UNC80: variants seen among roughly 807,000 people sequenced by gnomAD.
UNC80 encodes unc-80 subunit of NALCN channel complex.
In UNC80, 164 loss-of-function variants were observed where a neutral mutation model predicts 384.6. The ratio of observed to expected loss-of-function variants is 0.43; its 90% CI spans 0.38 to 0.49. The LOEUF (loss-of-function observed/expected upper bound fraction) is 0.49. Ranked by LOEUF, UNC80 falls within the 20% of genes least tolerant of loss-of-function variation. The pLI is 0.00. For missense variants in UNC80, 3,330 were observed against 4,143.0 expected, an observed-to-expected ratio of 0.80 and a Z score of 5.39; for synonymous variants, 1,486 against 1,527.8, an observed-to-expected ratio of 0.97 and a Z score of 0.64.
Position 209,839,724 on chromosome 2 carries a change from G to A in UNC80, c.3250+294G>A, listed in dbSNP as rs1015868383. On this transcript the variant is annotated intron_variant, in intron 19 of 64. Coordinates refer to ENST00000673920, the MANE Select transcript of UNC80 (RefSeq NM_001371986.1). The surrounding 1 kb of genome is among the most constrained non-coding windows in gnomAD (Gnocchi z 4.1). Reference sequence around the variant, plus strand: ...TAGTAGGAGCCCCAGTCATTAAAGCGGATAATCATACAACTAAGTGTAATT... The same window carrying A: ...TAGTAGGAGCCCCAGTCATTAAAGCAGATAATCATACAACTAAGTGTAATT... Among the ~76,000 whole-genome samples the A allele has an allele frequency of 1.2e-4, 18 of 152,120 alleles. No homozygotes were observed. Among genetic ancestry groups the A allele is most frequent in the Admixed American group, 3.9e-4 (6 of 15,266 alleles).
At chr2:209,940,364 C>G (rs570942736) in intron 43 of UNC80, among the ~76,000 whole-genome samples, 12 of 152,232 alleles carry the variant, frequency 7.9e-5, no homozygotes, top group African/African-American at 2.6e-4. Context: ...TCAATGAACT[C>G]TAAAGATCTG....
intron 37 of UNC80, 70 bp from the exon 38 acceptor site, chr2:209,930,898 C>T: frequency 1.7e-6 from 2 of 1,161,464 alleles, no homozygotes; most frequent in Non-Finnish European, 2.4e-6. Context: ...CCCGAATTTT[C>T]AAGAAGTTAA....
At chr2:209,850,465 T>C (rs1367802476) in intron 22 of UNC80, among the ~76,000 whole-genome samples, 3 of 152,120 alleles carry the variant, frequency 2.0e-5, no homozygotes, top group Non-Finnish European at 4.4e-5. Flanking sequence ...TTATGACACA[T>C]GAATAAGTGA....
chr2:209,959,667 G>C lies in UNC80; in HGVS notation c.7765G>C (p.Val2589Leu). ...ILQNLAGEPR[V>L]IALELLDVKS... ...GCAAAATCTGGCTGGGGAGCCTCGG[G>C]TCATTGCCTTGGAACTGCTGGATGT... Residue 2589 changes from valine (V) to leucine (L), a missense_variant, in exon 51 of 65, where the codon GTC (valine) becomes CTC (leucine). By Grantham distance (32) the Val-to-Leu change is conservative. Transcript: ENST00000673920. 2 of 1,551,678 alleles carry C rather than the reference G, an allele frequency of 1.3e-6. No homozygotes were observed. The highest frequency in any genetic ancestry group is 2.4e-5 in the East Asian group (1 of 40,916).
At chr2:209,930,372 A>G (rs898335390) in intron 37 of UNC80, among the ~76,000 whole-genome samples, 1 of 152,162 alleles carries the variant, frequency 6.6e-6, no homozygotes, top group African/African-American at 2.4e-5. Flanking sequence ...ATCATGCCAA[A>G]TAAAAGTAGT....
Position 209,881,077 on chromosome 2 carries a change from C to G in UNC80, c.4093C>G (p.Arg1365Gly). 6.4e-7 allele frequency: 1 copy of G among 1,551,626 alleles called. No homozygotes were observed. Among genetic ancestry groups the G allele is most frequent in the Non-Finnish European group, 8.7e-7 (1 of 1,146,982 alleles). Residue 1365 changes from arginine to glycine, a missense_variant, in exon 25 of 65, where the codon CGC becomes GGC. By Grantham distance (125) the Arg-to-Gly change is moderately radical. Around this residue, in one of 8 missense-constraint regions of UNC80, gnomAD observed 801 missense variants for 950.8 expected, o/e 0.84. Coordinates refer to ENST00000673920, the MANE Select transcript of UNC80 (RefSeq NM_001371986.1). ...GACCTTTTCTTGCCTGCCCAGACCT[C>G]GCACTGAGCCTCTGGTGGTAAGTTA... is the stretch of plus-strand genomic sequence containing the variant. ...RETFSCLPRP[R>G]TEPLVDLESC...
intron 36 of UNC80, 125 bp from the exon 37 acceptor site, chr2:209,929,746 A>G: frequency 1.5e-6 from 1 of 645,746 alleles, no homozygotes; most frequent in Non-Finnish European, 2.5e-6. Context: ...TTGCAAAAGA[A>G]AAAAGAGTTC....
In UNC80 at chr2:209,905,042, A is replaced by AT. The variant is rs1229246535; in HGVS notation, c.4782+81dup. 4 of 1,463,280 alleles carry AT rather than the reference A, an allele frequency of 2.7e-6. No homozygotes were observed. In the African/African-American group the frequency reaches 5.6e-5, roughly 21 times the overall value. 90.6% of individuals were successfully genotyped at this position (1,463,280 alleles called of 1,614,324 possible). ...AACAATTTCTTCTCTGGAAATAAGA[A>AT]TTTTCAAGCAAATGCAATTGTAACA... On this transcript the variant is annotated intron_variant, in intron 29 of 64. Coordinates refer to ENST00000673920, the MANE Select transcript of UNC80 (RefSeq NM_001371986.1).
At chr2:209,900,136 T>G (rs1445610035) in intron 28 of UNC80, among the ~76,000 whole-genome samples, 3 of 152,240 alleles carry the variant, frequency 2.0e-5, no homozygotes, top group Non-Finnish European at 4.4e-5. Flanking sequence ...TCTTATGCAT[T>G]CAAATATGTA....
At chr2:209,824,388 C>T (rs548810962) in intron 13 of UNC80, among the ~76,000 whole-genome samples, 1 of 152,284 alleles carries the variant, frequency 6.6e-6, no homozygotes, top group Non-Finnish European at 1.5e-5. Flanking sequence ...AGAAATTGAA[C>T]TGCAGTGTAG....
chr2:209,875,861 C>T lies in UNC80; in HGVS notation c.3841-2093C>T, dbSNP rs369868306. 7.2e-5 allele frequency among the ~76,000 whole-genome samples: 11 copies of T among 152,258 alleles called. No homozygotes were observed. In the East Asian group the frequency reaches 1.2e-3, roughly 16 times the overall value. On this transcript the variant is annotated intron_variant, in intron 23 of 64. Transcript: ENST00000673920. The stretch of plus-strand genomic sequence containing the variant: ...TGTGATCCTCTGAACTAAATTTTCT[C>T]TTTATTTCTTTATTTTTTTATTTCA...
At chr2:209,895,859 G>A (rs750129642) in intron 27 of UNC80, among the ~76,000 whole-genome samples, 60 of 152,266 alleles carry the variant, frequency 3.9e-4, no homozygotes, top group Non-Finnish European at 8.1e-4. Context: ...AAATAGCTCT[G>A]GTAGCAAAGC....
At chr2:209,806,190 A>G (rs761170371) in intron 7 of UNC80, among the ~76,000 whole-genome samples, 2 of 152,192 alleles carry the variant, frequency 1.3e-5, no homozygotes, top group Admixed American at 6.5e-5. Context: ...TATATTTCTT[A>G]TATAATCTTT....
In UNC80 at chr2:209,930,959, T is replaced by C; in HGVS notation, c.5908-9T>C. The C allele has an allele frequency of 6.5e-7, 1 of 1,532,802 alleles. No individual in the cohort carries two copies. The highest frequency in any genetic ancestry group is 8.8e-7 in the Non-Finnish European group (1 of 1,135,666). 95.0% of individuals were successfully genotyped at this position (1,532,802 alleles called of 1,614,324 possible). A position where few individuals can be genotyped will look rare whatever the true frequency, so the allele number is the denominator to read the frequency against. ...GAAGGAAACATTAAAAATTCTGTTC[T>C]TCTTTCAGGATGAGTTAATGTACAT... On this transcript the variant is annotated splice_polypyrimidine_tract_variant and intron_variant, in intron 37 of 64. Transcript: ENST00000673920.
At chr2:209,816,717 T>C (rs1477625156) in intron 9 of UNC80, among the ~76,000 whole-genome samples, 192 bp from the exon 10 acceptor site, 3 of 152,192 alleles carry the variant, frequency 2.0e-5, no homozygotes, top group Non-Finnish European at 4.4e-5. Flanking sequence ...ATACATGGCC[T>C]TTTACTTAGT....
chr2:209,959,276 C>T, intron 50 of UNC80, 122 bp downstream of exon 50: 1 of 1,302,944 alleles, frequency 7.7e-7, no homozygotes, highest in Non-Finnish European at 1.1e-6. Context: ...CTGGGTAAAC[C>T]CCCAAAAGTG....
chr2:209,939,680 T>G (rs761770431), intron 43 of UNC80, 28 bp downstream of exon 43: 1 of 1,502,280 alleles, frequency 6.7e-7, no homozygotes, highest in African/African-American at 1.4e-5. Context: ...ATTGCCTCTC[T>G]GGGGCTTTTT....
In UNC80 at chr2:209,878,030, A is replaced by G. The variant is rs1260567210; in HGVS notation, c.3917A>G (p.Asp1306Gly). The change falls in exon 24 of 65, where the codon GAT becomes GGT. Residue 1306 changes from aspartate (D) to glycine (G), a missense_variant. Asp to Gly is a moderately conservative substitution (Grantham distance 94, BLOSUM62 -1). Transcript: ENST00000673920. ...SPANLLGLIY[D>G]EETKRRLRKE... ...GCCAACCTGCTGGGTCTCATTTACG[A>G]TGAAGAGACCAAGAGGAGACTTAGA... 6.5e-7 allele frequency: 1 copy of G among 1,546,400 alleles called. No homozygotes were observed.
At chr2:209,969,723 C>A in intron 52 of UNC80, 45 bp from the exon 53 acceptor site, 1 of 1,549,420 alleles carries the variant, frequency 6.5e-7, no homozygotes, top group Non-Finnish European at 8.7e-7. Flanking sequence ...TTCAGACTCT[C>A]CAGAAGGGAG....
Sources: gnomAD v4.1 joint callset for allele counts (sites outside exome capture counted in the v4.1 genomes callset) on GRCh38, gnomAD v4.1.1 for gene constraint, gnomAD v4.1.1 regional missense constraint, Gnocchi (gnomAD v3.1) non-coding constraint, MANE v1.5 for transcripts, NCBI Gene and HGNC (gene_info 2026-07-23, HGNC 2026-07-21) for gene names.